The following DYNC1I1 variants were observed in gnomAD, a reference collection of about 807,000 sequenced individuals.
DYNC1I1 encodes the protein dynein cytoplasmic 1 intermediate chain 1, also known as cytoplasmic dynein 1 intermediate chain 1.
Under a neutral mutation model 86.6 loss-of-function variants are expected in DYNC1I1, and 43 were observed. That is an observed-to-expected ratio of 0.50 (90% CI 0.39 to 0.64). The LOEUF (loss-of-function observed/expected upper bound fraction) is 0.64, where lower values mean the gene tolerates loss of function less well. Among genes scored for constraint, DYNC1I1 ranks in the 30% least tolerant of loss-of-function variants. The probability of loss-of-function intolerance (pLI) is 0.00; values close to 1 mark genes in which losing one functional copy is unlikely to be tolerated. For synonymous variants in DYNC1I1, 262 were observed against 283.7 expected (o/e 0.92, Z 0.77); for missense variants, 604 against 788.8 (o/e 0.77, Z 2.81).
intron 6 of DYNC1I1, among the ~76,000 whole-genome samples, chr7:95,976,494 A>G (rs1397793263): frequency 1.3e-5 from 2 of 152,190 alleles, no homozygotes; most frequent in Non-Finnish European, 2.9e-5. Context: ...GATAAATCTC[A>G]GGATTTATTG....
At chr7:95,962,185 C>T (rs998850286) in intron 6 of DYNC1I1, among the ~76,000 whole-genome samples, 3 of 152,192 alleles carry the variant, frequency 2.0e-5, no homozygotes, top group African/African-American at 7.2e-5. Context: ...CCATCCTACC[C>T]TTACCTGCCC....
chr7:95,812,096 T>A (rs991332490), intron 3 of DYNC1I1, among the ~76,000 whole-genome samples: 1 of 152,158 alleles, frequency 6.6e-6, no homozygotes, highest in Admixed American at 6.5e-5. Context: ...AGAGGGTAAG[T>A]AATCAGTGAA....
At chr7:95,906,755 C>A (rs1395984420) in intron 6 of DYNC1I1, among the ~76,000 whole-genome samples, 1 of 151,840 alleles carries the variant, frequency 6.6e-6, no homozygotes, top group African/African-American at 2.4e-5. Context: ...TATAGAAAGC[C>A]CCATTATCAA....
intron 9 of DYNC1I1, among the ~76,000 whole-genome samples, chr7:95,995,366 G>A (rs1562966530): frequency 6.6e-6 from 1 of 152,182 alleles, no homozygotes; most frequent in African/African-American, 2.4e-5. Context: ...AGTAGGTTTC[G>A]TGTGGAAGTC....
chr7:96,025,395 T>C (rs1383962584), intron 10 of DYNC1I1, among the ~76,000 whole-genome samples: 1 of 151,976 alleles, frequency 6.6e-6, no homozygotes, highest in Non-Finnish European at 1.5e-5. Flanking sequence ...GTGAAATTGA[T>C]GAACATAACT....
intron 6 of DYNC1I1, among the ~76,000 whole-genome samples, chr7:95,902,064 C>T (rs1011402473): frequency 6.6e-5 from 10 of 152,158 alleles, no homozygotes; most frequent in African/African-American, 1.9e-4. Flanking sequence ...ATCTTTGTTT[C>T]TTTAGCTGCT....
intron 15 of DYNC1I1, 29 bp from the exon 16 acceptor site, chr7:96,080,334 C>A (rs1790474983): frequency 4.5e-6 from 7 of 1,542,000 alleles, no homozygotes; most frequent in Non-Finnish European, 6.1e-6. Flanking sequence ...TTCAGAGATT[C>A]TTTTATTCTG....
intron 10 of DYNC1I1, among the ~76,000 whole-genome samples, chr7:96,007,281 C>T (rs1160487843): frequency 2.0e-5 from 3 of 152,042 alleles, no homozygotes; most frequent in Non-Finnish European, 4.4e-5. Context: ...TATTTTTTCT[C>T]AAAAACCTTT....
rs564093804 is a variant in DYNC1I1 at position 95,946,650 on chromosome 7, A to G, written c.491-30862A>G. ...TTTGGGTGGAACAGAGTCATAGTCC[A>G]TACACTTACAGTTCATTCATTGATT... On this transcript the variant is annotated intron_variant, in intron 6 of 16. Transcript: ENST00000447467. 1.4e-4 allele frequency among the ~76,000 whole-genome samples: 22 copies of G among 152,308 alleles called. No homozygotes were observed. The South Asian group carries it at 4.6e-3, about 32-fold the overall frequency.
intron 6 of DYNC1I1, among the ~76,000 whole-genome samples, chr7:95,880,010 A>G (rs1254514796): frequency 2.0e-5 from 3 of 152,208 alleles, no homozygotes; most frequent in Admixed American, 1.3e-4. Flanking sequence ...TAGAATCTGC[A>G]TGGAAGAAGT....
intron 6 of DYNC1I1, among the ~76,000 whole-genome samples, chr7:95,957,963 A>T (rs1248451338): frequency 6.6e-6 from 1 of 152,172 alleles, no homozygotes; most frequent in Non-Finnish European, 1.5e-5. Flanking sequence ...TCAGTGAGTG[A>T]GTGGTTCTAT....
intron 14 of DYNC1I1, among the ~76,000 whole-genome samples, chr7:96,051,091 A>C (rs1439590461): frequency 6.6e-6 from 1 of 151,868 alleles, no homozygotes; most frequent in Non-Finnish European, 1.5e-5. Context: ...GTTTTGGATA[A>C]TTTTTTTTCC....
intron 16 of DYNC1I1, among the ~76,000 whole-genome samples, chr7:96,105,573 T>C (rs1285904082): frequency 6.6e-6 from 1 of 152,196 alleles, no homozygotes; most frequent in Non-Finnish European, 1.5e-5. Flanking sequence ...TTCTTAAGGG[T>C]TTTCCCATAA....
intron 4 of DYNC1I1, 89 bp downstream of exon 4, chr7:95,813,426 A>G (rs1196540458): frequency 1.2e-5 from 17 of 1,459,976 alleles, no homozygotes; most frequent in Non-Finnish European, 1.6e-5. Flanking sequence ...ATACTGTGAA[A>G]TGTGCATGTA....
intron 6 of DYNC1I1, among the ~76,000 whole-genome samples, chr7:95,890,075 C>T (rs572532853): frequency 6.6e-6 from 1 of 152,262 alleles, no homozygotes; most frequent in South Asian, 2.1e-4. Context: ...ACCATTCAAT[C>T]CCCTTACTGA....
At chr7:95,813,387 A>C (rs1794876171) in intron 4 of DYNC1I1, 50 bp downstream of exon 4, 2 of 1,568,768 alleles carry the variant, frequency 1.3e-6, no homozygotes, top group Non-Finnish European at 8.6e-7. Context: ...TTAAAAAAAA[A>C]AAAAAACAGC....
chr7:96,096,109 C>G (rs897464166), intron 16 of DYNC1I1, among the ~76,000 whole-genome samples: 1 of 152,088 alleles, frequency 6.6e-6, no homozygotes, highest in African/African-American at 2.4e-5. Flanking sequence ...ATTCTTGAAA[C>G]ATTTAGCCTT....
chr7:96,077,239 T>TTGTGTG (rs3047672), intron 15 of DYNC1I1, among the ~76,000 whole-genome samples: 3,139 of 144,492 alleles, frequency 0.022, 51 homozygotes, highest in South Asian at 0.039. Context: ...TCCCTAGTAT[T>TTGTGTG]TGTGTGTGTG....
intron 6 of DYNC1I1, among the ~76,000 whole-genome samples, chr7:95,919,728 A>G (rs1791562701): frequency 6.6e-6 from 1 of 152,228 alleles, no homozygotes; most frequent in African/African-American, 2.4e-5. Context: ...CTTCTCATAT[A>G]TAATTTGGGG....
Sources: gnomAD v4.1 joint callset for allele counts (sites outside exome capture counted in the v4.1 genomes callset) on GRCh38, gnomAD v4.1.1 for gene constraint, MANE v1.5 for transcripts, NCBI Gene and HGNC (gene_info 2026-07-23, HGNC 2026-07-21) for gene names.